The following MRC1 variants were observed in gnomAD, a reference collection of about 807,000 sequenced individuals.
MRC1 encodes the protein mannose receptor C-type 1.
In MRC1, 62 loss-of-function variants were observed where a neutral mutation model predicts 102.9. The ratio of observed to expected loss-of-function variants is 0.60; its 90% CI spans 0.49 to 0.74. The LOEUF (loss-of-function observed/expected upper bound fraction) is 0.74, where lower values mean the gene tolerates loss of function less well. Among genes scored for constraint, MRC1 ranks in the 30% least tolerant of loss-of-function variants. MRC1 has a pLI of 0.00. For missense variants in MRC1, 1,237 were observed against 862.8 expected (o/e 1.43, Z -5.43); for synonymous variants, 457 against 298.4 (o/e 1.53, Z -5.48).
intron 26 of MRC1, among the ~76,000 whole-genome samples, chr10:17,904,155 A>G (rs1833866916): frequency 1.3e-5 from 2 of 152,204 alleles, no homozygotes; most frequent in African/African-American, 4.8e-5. Flanking sequence ...TTCAATTAGA[A>G]AAGATAGAGT....
chr10:17,825,988 G>A, intron 2 of MRC1, among the ~76,000 whole-genome samples: 1 of 151,996 alleles, frequency 6.6e-6, no homozygotes, highest in East Asian at 1.9e-4. Flanking sequence ...GCATTTTAAA[G>A]TTATTAACAA....
intron 12 of MRC1, among the ~76,000 whole-genome samples, 170 bp downstream of exon 12, chr10:17,866,931 CTTGGGTAG>C (rs1454490451): frequency 6.6e-6 from 1 of 152,114 alleles, no homozygotes; most frequent in Admixed American, 6.6e-5. Flanking sequence ...TTAAGAGCTC[CTTGGGTAG>C]ATGTATTTAG....
intron 3 of MRC1, among the ~76,000 whole-genome samples, chr10:17,831,534 A>G (rs961962953): frequency 4.6e-5 from 7 of 151,576 alleles, no homozygotes; most frequent in Non-Finnish European, 7.3e-5. Flanking sequence ...AAAAAGGTCT[A>G]TGATCGCTTC....
intron 1 of MRC1, among the ~76,000 whole-genome samples, chr10:17,816,063 AT>A (rs782314543): frequency 4.9e-4 from 75 of 152,168 alleles, no homozygotes; most frequent in Non-Finnish European, 8.8e-4. Context: ...ACCTCAGGTG[AT>A]CCGCCTGCCT....
At chr10:17,850,822 T>C (rs1838903620) in intron 7 of MRC1, among the ~76,000 whole-genome samples, 1 of 152,128 alleles carries the variant, frequency 6.6e-6, no homozygotes, top group African/African-American at 2.4e-5. Flanking sequence ...AATAGAGTAG[T>C]AGCAGAAAAA....
chr10:17,860,190 G>C (rs988307844), intron 9 of MRC1, among the ~76,000 whole-genome samples: 1 of 151,854 alleles, frequency 6.6e-6, no homozygotes, highest in Non-Finnish European at 1.5e-5. Context: ...TACTAAATTC[G>C]GGTACCTGGA....
At chr10:17,849,555 T>C (rs1413421039) in intron 6 of MRC1, 24 bp from the exon 7 acceptor site, 1 of 565,838 alleles carries the variant, frequency 1.8e-6, no homozygotes, top group African/African-American at 3.7e-5. Context: ...AAAATTTTTT[T>C]CCGACCCCCC....
At chr10:17,842,284 T>G (rs1367694462) in intron 5 of MRC1, among the ~76,000 whole-genome samples, 7 of 152,290 alleles carry the variant, frequency 4.6e-5, no homozygotes, top group African/African-American at 1.7e-4. Flanking sequence ...TTTTCTATAT[T>G]GGTTTATTGT....
chr10:17,910,335 G>C lies in MRC1; in HGVS notation c.4241G>C (p.Arg1414Thr). ...GCCGCCTATTTCTTTTATAAGAAAA[G>C]ACGTGTGCACCTACCTCAAGAGGGC... The part of the protein sequence containing the change: ...GLAAYFFYKK[R>T]RVHLPQEGAF... The change falls in exon 30 of 30, where the codon AGA becomes ACA. Residue 1414 changes from arginine to threonine, a missense_variant. Coordinates refer to ENST00000569591, the MANE Select transcript of MRC1 (RefSeq NM_002438.4). The C allele has an allele frequency of 7.7e-6, 6 of 780,788 alleles. No homozygotes were observed. Among genetic ancestry groups the C allele is most frequent in the South Asian group, 5.4e-5 (4 of 74,614 alleles). 48.4% of individuals were successfully genotyped at this position (780,788 alleles called of 1,614,324 possible). A position where few individuals can be genotyped will look rare whatever the true frequency, so the allele number is the denominator to read the frequency against.
intron 6 of MRC1, among the ~76,000 whole-genome samples, chr10:17,849,340 G>A (rs1554840442): frequency 2.7e-5 from 4 of 150,304 alleles, no homozygotes; most frequent in Admixed American, 2.0e-4. Context: ...AAGTTGATAA[G>A]GTGATTTCCC....
chr10:17,817,554 G>A (rs1351030938), intron 1 of MRC1, among the ~76,000 whole-genome samples: 1 of 152,132 alleles, frequency 6.6e-6, no homozygotes, highest in Admixed American at 6.5e-5. Flanking sequence ...TGTGGTCATT[G>A]TTTGTCAAGT....
intron 22 of MRC1, among the ~76,000 whole-genome samples, chr10:17,886,958 A>AAGC (rs35816893): frequency 0.19 from 28,365 of 152,076 alleles, 2,790 homozygotes; most frequent in East Asian, 0.22. Context: ...TTTGTCGAAT[A>AAGC]AGCAACAACA....
intron 13 of MRC1, 134 bp downstream of exon 13, chr10:17,870,507 G>C: frequency 1.3e-6 from 1 of 742,108 alleles, no homozygotes; most frequent in East Asian, 2.4e-5. Flanking sequence ...CCAAATCTGT[G>C]GGCCCTGTTT....
intron 5 of MRC1, among the ~76,000 whole-genome samples, chr10:17,844,368 G>T (rs1040219311): frequency 6.6e-6 from 1 of 151,906 alleles, no homozygotes; most frequent in Non-Finnish European, 1.5e-5. Flanking sequence ...ACAGGTGCCC[G>T]CCAGCTCCCC....
chr10:17,843,692 C>T (rs2130630777), intron 5 of MRC1, among the ~76,000 whole-genome samples: 1 of 151,996 alleles, frequency 6.6e-6, no homozygotes, highest in East Asian at 1.9e-4. Context: ...TAACTTAATG[C>T]TTATTACTAA....
chr10:17,814,716 C>T (rs1035522977), intron 1 of MRC1, among the ~76,000 whole-genome samples: 116 of 133,552 alleles, frequency 8.7e-4, no homozygotes, highest in Non-Finnish European at 4.3e-4. Flanking sequence ...GACAGAGTCT[C>T]GCTCTGTCGC....
rs1838420416 is a variant in MRC1 at position 17,823,134 on chromosome 10, C to T, written c.122C>T (p.Pro41Leu). The change falls in exon 2 of 30, where the codon CCC becomes CTC. Residue 41 changes from proline (P) to leucine (L), a missense_variant. Transcript: ENST00000569591. ...DHKRCVDAVSPSAVQTAACNQ... is the reference protein window; with the variant it reads ...DHKRCVDAVSLSAVQTAACNQ... The stretch of plus-strand genomic sequence containing the variant: ...AAGCGCTGCGTGGATGCAGTGAGTC[C>T]CAGTGCCGTCCAAACCGCAGCTTGC... 5 of 780,768 alleles carry T rather than the reference C, an allele frequency of 6.4e-6. No homozygotes were observed. Among genetic ancestry groups the T allele is most frequent in the Non-Finnish European group, 7.2e-6 (3 of 417,942 alleles). The allele number at this position is 780,768 out of a possible 1,614,324, so 48.4% of individuals were successfully genotyped here.
intron 4 of MRC1, among the ~76,000 whole-genome samples, chr10:17,838,556 T>TA (rs140577655): frequency 1.9e-4 from 28 of 147,406 alleles, no homozygotes; most frequent in East Asian, 5.9e-4. Context: ...GGACCTCAAT[T>TA]AAAAAAAAAA....
In MRC1 at chr10:17,840,687, A is replaced by G. The variant is rs2130625597; in HGVS notation, c.803-6A>G. On this transcript the variant is annotated splice_region_variant and splice_polypyrimidine_tract_variant and intron_variant, in intron 4 of 29. Coordinates refer to ENST00000569591, the MANE Select transcript of MRC1 (RefSeq NM_002438.4). ...TTTGTTTGTTTTGCTTTCTTTAAAA[A>G]TATAGGATTAACCAGTTCCTTGACC... is the stretch of plus-strand genomic sequence containing the variant. 1.3e-6 allele frequency: 1 copy of G among 780,718 alleles called. No individual in the cohort carries two copies. The highest frequency in any genetic ancestry group is 2.4e-6 in the Non-Finnish European group (1 of 417,932). 48.4% of individuals were successfully genotyped at this position (780,718 alleles called of 1,614,324 possible). A position where few individuals can be genotyped will look rare whatever the true frequency, so the allele number is the denominator to read the frequency against.
Sources: allele counts gnomAD v4.1 joint callset (sites outside exome capture counted in the v4.1 genomes callset), GRCh38; gene constraint gnomAD v4.1.1; transcripts MANE v1.5; gene names NCBI Gene and HGNC (gene_info 2026-07-23, HGNC 2026-07-21).